Variants in NCKAP5 observed in about 807,000 individuals in gnomAD.
NCKAP5 encodes the protein NCK associated protein 5, also known as nck-associated protein 5.
In NCKAP5, 92 loss-of-function variants were observed where a neutral mutation model predicts 167.0. The ratio of observed to expected loss-of-function variants is 0.55; its 90% CI spans 0.47 to 0.66. The LOEUF is 0.66. Among genes scored for constraint, NCKAP5 ranks in the 30% least tolerant of loss-of-function variants. The pLI is 0.00. For missense variants in NCKAP5, 2,378 were observed against 2,315.0 expected, an observed-to-expected ratio of 1.03 and a Z score of -0.56; for synonymous variants, 891 against 877.4, an observed-to-expected ratio of 1.02 and a Z score of -0.27.
At chr2:133,103,381 A>G (rs1168744765) in intron 6 of NCKAP5, among the ~76,000 whole-genome samples, 1 of 152,212 alleles carries the variant, frequency 6.6e-6, no homozygotes, top group East Asian at 1.9e-4. Context: ...ATGGTTAAAT[A>G]TTCTTATTTT....
chr2:133,097,244 A>G (rs1040165265), intron 6 of NCKAP5, among the ~76,000 whole-genome samples: 3 of 152,168 alleles, frequency 2.0e-5, no homozygotes, highest in Non-Finnish European at 4.4e-5. Context: ...GTGTCACCCC[A>G]TAAGCCCTAG....
At chr2:132,770,467 A>T (rs891351435) in intron 16 of NCKAP5, among the ~76,000 whole-genome samples, 3 of 148,610 alleles carry the variant, frequency 2.0e-5, no homozygotes, top group African/African-American at 4.9e-5. Context: ...ATAATATTAT[A>T]ACATAATAAC....
At chr2:133,337,410 T>C (rs1683285689) in intron 3 of NCKAP5, among the ~76,000 whole-genome samples, 1 of 152,230 alleles carries the variant, frequency 6.6e-6, no homozygotes, top group African/African-American at 2.4e-5. Flanking sequence ...GTCTGTGCTA[T>C]AGGGATGAGT....
chr2:132,793,930 G>C (rs1471903792), intron 12 of NCKAP5, among the ~76,000 whole-genome samples: 1 of 151,744 alleles, frequency 6.6e-6, no homozygotes, highest in Non-Finnish European at 1.5e-5. Flanking sequence ...AGTTTCCTTC[G>C]TCAGCATGTG....
chr2:132,933,905 C>T (rs1696637132), intron 8 of NCKAP5, among the ~76,000 whole-genome samples: 1 of 152,178 alleles, frequency 6.6e-6, no homozygotes, highest in African/African-American at 2.4e-5. Flanking sequence ...GTTCACTACA[C>T]AATCCCCGAA....
intron 5 of NCKAP5, among the ~76,000 whole-genome samples, chr2:133,137,538 A>G (rs1277359330): frequency 6.6e-6 from 1 of 151,680 alleles, no homozygotes; most frequent in Non-Finnish European, 1.5e-5. Context: ...AAGGGCAAGT[A>G]AGACAGATGG....
chr2:133,594,840 C>T, the NCKAP5 span, among the ~76,000 whole-genome samples: 3 of 152,086 alleles, frequency 2.0e-5, no homozygotes, highest in Non-Finnish European at 4.4e-5. Flanking sequence ...ATGAGGACCA[C>T]AGGACACTGC....
At chr2:133,333,675 T>C (rs926505105) in intron 3 of NCKAP5, among the ~76,000 whole-genome samples, 3 of 152,200 alleles carry the variant, frequency 2.0e-5, no homozygotes, top group Admixed American at 1.3e-4. Flanking sequence ...TATAAGTCCT[T>C]AGAGCCAATC....
At chr2:132,840,767 A>G (rs1376247364) in intron 11 of NCKAP5, among the ~76,000 whole-genome samples, 2 of 152,094 alleles carry the variant, frequency 1.3e-5, no homozygotes, top group African/African-American at 4.8e-5. Context: ...TTGTGTGCGT[A>G]TGTTTTGATA....
At chr2:133,131,823 T>C (rs984207671) in intron 5 of NCKAP5, among the ~76,000 whole-genome samples, 4 of 152,304 alleles carry the variant, frequency 2.6e-5, no homozygotes, top group African/African-American at 7.2e-5. Context: ...GTTATATACA[T>C]TTTACTATAA....
intron 7 of NCKAP5, among the ~76,000 whole-genome samples, chr2:132,992,007 C>T (rs761284159): frequency 6.6e-5 from 10 of 152,218 alleles, no homozygotes; most frequent in Admixed American, 1.3e-4. Flanking sequence ...GCCCTTCTCT[C>T]TTTTCTCGTT....
chr2:133,206,476 T>G (rs2150143021), intron 5 of NCKAP5, among the ~76,000 whole-genome samples: 1 of 152,334 alleles, frequency 6.6e-6, no homozygotes, highest in East Asian at 1.9e-4. Context: ...AATACTCTTA[T>G]AATTTCTTAT....
chr2:133,231,596 A>C (rs2087151150), intron 4 of NCKAP5, among the ~76,000 whole-genome samples: 1 of 152,182 alleles, frequency 6.6e-6, no homozygotes, highest in East Asian at 1.9e-4. Flanking sequence ...CTGTATAAAT[A>C]ACTCACTAGC....
intron 6 of NCKAP5, among the ~76,000 whole-genome samples, chr2:133,066,476 GA>G (rs2080199822): frequency 6.6e-6 from 1 of 152,134 alleles, no homozygotes; most frequent in South Asian, 2.1e-4. Context: ...CCCAAGTAGA[GA>G]AATTATATGT....
intron 16 of NCKAP5, among the ~76,000 whole-genome samples, chr2:132,755,601 C>T (rs922710131): frequency 2.0e-5 from 3 of 151,968 alleles, no homozygotes; most frequent in African/African-American, 4.8e-5. Flanking sequence ...AAGGCCAAGG[C>T]GGGCAGATCA....
chr2:133,164,296 T>A (rs1460457901), intron 5 of NCKAP5, among the ~76,000 whole-genome samples: 1 of 152,200 alleles, frequency 6.6e-6, no homozygotes, highest in African/African-American at 2.4e-5. Flanking sequence ...GTTTTGATAT[T>A]CAAATATAGA....
intron 12 of NCKAP5, among the ~76,000 whole-genome samples, chr2:132,795,680 G>A: frequency 6.6e-6 from 1 of 151,908 alleles, no homozygotes; most frequent in East Asian, 1.9e-4. Context: ...TTAGCTGGGT[G>A]TGGCGGCGGG....
At chr2:133,666,226 T>C in the NCKAP5 span, among the ~76,000 whole-genome samples, 1 of 147,708 alleles carries the variant, frequency 6.8e-6, no homozygotes, top group Non-Finnish European at 1.5e-5. Context: ...AGACTGAGTC[T>C]TTCTCTTGTC....
At chr2:133,116,165 TCTAA>T (rs1331680736) in intron 6 of NCKAP5, among the ~76,000 whole-genome samples, 2 of 152,054 alleles carry the variant, frequency 1.3e-5, no homozygotes, top group Non-Finnish European at 2.9e-5. Context: ...AAAATGTATG[TCTAA>T]CTTTTTTGTA....
Sources: gnomAD v4.1 joint callset for allele counts (sites outside exome capture counted in the v4.1 genomes callset) on GRCh38, gnomAD v4.1.1 for gene constraint, MANE v1.5 for transcripts, NCBI Gene and HGNC (gene_info 2026-07-23, HGNC 2026-07-21) for gene names.